Variants in PJA2 observed in about 807,000 individuals in gnomAD.
PJA2 encodes praja ring finger ubiquitin ligase 2.
A neutral mutation model predicts 69.3 loss-of-function variants in PJA2; 25 were observed. The ratio of observed to expected loss-of-function variants is 0.36; its 90% CI spans 0.26 to 0.50. The LOEUF is 0.50. PJA2 is among the 20% of genes least tolerant of loss of function. The pLI is 0.96. For missense variants in PJA2, 809 were observed against 830.2 expected (o/e 0.97, Z 0.31); for synonymous variants, 308 against 277.8 (o/e 1.11, Z -1.08).
intron 1 of PJA2, among the ~76,000 whole-genome samples, chr5:109,407,312 A>T (rs2963007): frequency 0.44 from 66,119 of 151,492 alleles, 17,655 homozygotes; most frequent in Middle Eastern, 0.6. Flanking sequence ...ATGTCAAAAA[A>T]ATATATATAA....
At chr5:109,371,475 T>G (rs1762673719) in intron 4 of PJA2, among the ~76,000 whole-genome samples, 1 of 152,232 alleles carries the variant, frequency 6.6e-6, no homozygotes, top group Admixed American at 6.5e-5. Flanking sequence ...CTTTCCATTC[T>G]TTCTCTGCAC....
At chr5:109,366,430 C>T (rs1374129777) in intron 5 of PJA2, among the ~76,000 whole-genome samples, 3 of 152,198 alleles carry the variant, frequency 2.0e-5, no homozygotes, top group Non-Finnish European at 4.4e-5. Flanking sequence ...AATATCTCTG[C>T]TCTTGCTTTT....
chr5:109,398,806 T>C (rs549657266), intron 1 of PJA2, among the ~76,000 whole-genome samples: 2 of 152,122 alleles, frequency 1.3e-5, no homozygotes, highest in East Asian at 1.9e-4. Flanking sequence ...AAAAAGACCT[T>C]TACTCCTAGA....
intron 3 of PJA2, among the ~76,000 whole-genome samples, chr5:109,380,936 G>A (rs1165405034): frequency 6.6e-6 from 1 of 151,862 alleles, no homozygotes; most frequent in Non-Finnish European, 1.5e-5. Context: ...CCAACGTGGT[G>A]AAACCCTGTC....
chr5:109,354,306 A>T (rs1029601887), intron 7 of PJA2, among the ~76,000 whole-genome samples: 2 of 146,772 alleles, frequency 1.4e-5, no homozygotes, highest in African/African-American at 5.1e-5. Context: ...ATCTAGAGAT[A>T]TCTATAGATT....
rs1451851809 is a variant in PJA2, at chr5:109,354,324, TATG to T, written c.1764+1588_1764+1590del. ...TAGAGATATCTATAGATTAGATATC[TATG>T]ATATCTAGAGATATCTATAGATTGG... On this transcript the variant is annotated intron_variant, in intron 7 of 9. Transcript: ENST00000361189. Among the ~76,000 whole-genome samples, 104 of 78,758 alleles carry T rather than the reference TATG, an allele frequency of 1.3e-3. 7 individuals carry two copies. Among genetic ancestry groups the T allele is most frequent in the African/African-American group, 1.8e-3 (46 of 25,510 alleles). The allele number at this position is 78,758 out of a possible 152,430, so 51.7% of individuals were successfully genotyped here.
intron 7 of PJA2, among the ~76,000 whole-genome samples, chr5:109,345,712 T>C (rs529786208): frequency 6.6e-6 from 1 of 152,300 alleles, no homozygotes; most frequent in Non-Finnish European, 1.5e-5. Flanking sequence ...GCTCCAGGTA[T>C]GGAAGCAAAT....
At chr5:109,401,227 T>G (rs1747538743) in intron 1 of PJA2, among the ~76,000 whole-genome samples, 1 of 151,572 alleles carries the variant, frequency 6.6e-6, no homozygotes. Flanking sequence ...GAGGTTGCAG[T>G]GAGCTGAGAT....
chr5:109,354,792 G>T (rs185037683), intron 7 of PJA2, among the ~76,000 whole-genome samples: 235 of 150,004 alleles, frequency 1.6e-3, no homozygotes, highest in African/African-American at 5.6e-3. Context: ...ATATTAGATA[G>T]GTACCTGCTA....
Position 109,378,840 on chromosome 5 carries a change from G to A in PJA2, c.647C>T (p.Ser216Leu), listed in dbSNP as rs755647986. ...NREAEAYTGL[S>L]PPVPSFNCEV... ...ACAGTTAAATGAGGGAACTGGTGGTGAAAGACCAGTGTATGCCTCTGCCTC... is the reference window on the plus strand; with the variant it reads ...ACAGTTAAATGAGGGAACTGGTGGTAAAAGACCAGTGTATGCCTCTGCCTC... The change falls in exon 4 of 10, where the codon TCA becomes TTA. Residue 216 changes from serine (S) to leucine (L), a missense_variant. Transcript: ENST00000361189. 2 of 1,613,814 alleles carry A rather than the reference G, an allele frequency of 1.2e-6. No individual in the cohort carries two copies. The highest frequency in any genetic ancestry group is 2.2e-5 in the South Asian group (2 of 91,072).
chr5:109,400,623 A>T (rs1277723762), intron 1 of PJA2, among the ~76,000 whole-genome samples: 1 of 152,166 alleles, frequency 6.6e-6, no homozygotes, highest in Non-Finnish European at 1.5e-5. Context: ...AGCAGTATAA[A>T]TACAAAACAC....
At chr5:109,408,302 A>G (rs1361261113) in intron 1 of PJA2, among the ~76,000 whole-genome samples, 1 of 152,206 alleles carries the variant, frequency 6.6e-6, no homozygotes, top group African/African-American at 2.4e-5. Flanking sequence ...AATAAATTAG[A>G]AAGTTATTTT....
chr5:109,394,140 T>G (rs971878355), intron 1 of PJA2, among the ~76,000 whole-genome samples: 1 of 143,138 alleles, frequency 7.0e-6, no homozygotes, highest in Non-Finnish European at 1.5e-5. Flanking sequence ...ATCCGCCTCC[T>G]GGGTTTAAGC....
chr5:109,363,372 T>G (rs1295321996), intron 5 of PJA2, among the ~76,000 whole-genome samples: 1 of 152,198 alleles, frequency 6.6e-6, no homozygotes, highest in Non-Finnish European at 1.5e-5. Context: ...CTTCACAGTT[T>G]AAATCTGAAT....
intron 5 of PJA2, among the ~76,000 whole-genome samples, chr5:109,364,441 G>A (rs1016264153): frequency 2.0e-5 from 3 of 151,606 alleles, no homozygotes; most frequent in Admixed American, 2.0e-4. Flanking sequence ...GGCTAAAACG[G>A]TGAAACCCCG....
At chr5:109,386,647 A>AT (rs557226178) in intron 1 of PJA2, among the ~76,000 whole-genome samples, 20 of 148,112 alleles carry the variant, frequency 1.4e-4, no homozygotes, top group Middle Eastern at 3.4e-3. Context: ...TGTTTTTATC[A>AT]TTTTTTTTTT....
intron 1 of PJA2, among the ~76,000 whole-genome samples, chr5:109,407,188 C>T (rs1169100194): frequency 6.6e-6 from 1 of 152,140 alleles, no homozygotes; most frequent in Non-Finnish European, 1.5e-5. Flanking sequence ...CAAATAAGTA[C>T]ATTTTACTGT....
chr5:109,370,250 G>A (rs776767124), intron 4 of PJA2, among the ~76,000 whole-genome samples: 15 of 151,992 alleles, frequency 9.9e-5, no homozygotes, highest in Non-Finnish European at 1.8e-4. Flanking sequence ...ATCTCTCTAC[G>A]TTCACTAGAC....
chr5:109,361,132 A>G (rs1049077582), intron 6 of PJA2, among the ~76,000 whole-genome samples: 1 of 150,130 alleles, frequency 6.7e-6, no homozygotes, highest in Admixed American at 6.6e-5. Flanking sequence ...CATCTCAAAC[A>G]AACAAACAAA....
Sources: gnomAD v4.1 joint callset for allele counts (sites outside exome capture counted in the v4.1 genomes callset) on GRCh38, gnomAD v4.1.1 for gene constraint, MANE v1.5 for transcripts, NCBI Gene and HGNC (gene_info 2026-07-23, HGNC 2026-07-21) for gene names.